Variants in MBNL2 observed in about 807,000 individuals in gnomAD.
The protein encoded by MBNL2 is muscleblind like splicing regulator 2, also known as muscleblind-like protein 2.
A neutral mutation model predicts 41.9 loss-of-function variants in MBNL2; 17 were observed. The ratio of observed to expected loss-of-function variants is 0.41; its 90% CI spans 0.28 to 0.61. MBNL2 has a LOEUF of 0.61. MBNL2 is among the 20% of genes least tolerant of loss of function. The pLI, the probability that MBNL2 is intolerant of heterozygous loss-of-function variation, is 0.35. For missense variants in MBNL2, 336 were observed against 505.6 expected (o/e 0.66, Z 3.22); for synonymous variants, 195 against 182.9 (o/e 1.07, Z -0.53).
intron 1 of MBNL2, among the ~76,000 whole-genome samples, chr13:97,231,647 G>A (rs2042391062): frequency 6.6e-6 from 1 of 152,162 alleles, no homozygotes; most frequent in African/African-American, 2.4e-5. Context: ...GCAGCTGCAA[G>A]CAGTTCTGTG....
chr13:97,144,387 A>G, the MBNL2 span, among the ~76,000 whole-genome samples: 2 of 148,150 alleles, frequency 1.3e-5, no homozygotes, highest in Admixed American at 6.7e-5. Flanking sequence ...ATTAAAAACC[A>G]TGAAGCTCCT....
At chr13:97,299,503 ATATT>A (rs1343296352) in intron 2 of MBNL2, among the ~76,000 whole-genome samples, 6 of 152,204 alleles carry the variant, frequency 3.9e-5, no homozygotes, top group Admixed American at 1.3e-4. Context: ...CCATTTCTAG[ATATT>A]TATTCTAGAG....
intron 1 of MBNL2, among the ~76,000 whole-genome samples, chr13:97,270,444 C>T (rs910081310): frequency 2.0e-5 from 3 of 151,942 alleles, no homozygotes; most frequent in Non-Finnish European, 2.9e-5. Flanking sequence ...TTTTCATTGG[C>T]AGTACTCCAT....
chr13:97,354,652 T>G (rs73559928), intron 5 of MBNL2, among the ~76,000 whole-genome samples: 1 of 152,342 alleles, frequency 6.6e-6, no homozygotes, highest in African/African-American at 2.4e-5. Context: ...ATATTAACCT[T>G]CCAGGTGACA....
At chr13:97,322,450 A>C (rs1300553161) in intron 2 of MBNL2, among the ~76,000 whole-genome samples, 10 of 152,210 alleles carry the variant, frequency 6.6e-5, no homozygotes, top group Admixed American at 6.5e-5. Flanking sequence ...TCCTGGACTC[A>C]TGATGGGGTT....
intron 2 of MBNL2, among the ~76,000 whole-genome samples, chr13:97,311,840 G>A (rs1199417326): frequency 5.9e-5 from 9 of 152,010 alleles, no homozygotes; most frequent in South Asian, 2.1e-4. Context: ...CCTCCTCTTC[G>A]GTTAAATCTC....
the MBNL2 span, among the ~76,000 whole-genome samples, chr13:97,177,053 T>C: frequency 6.6e-6 from 1 of 152,116 alleles, no homozygotes; most frequent in Non-Finnish European, 1.5e-5. Context: ...TAAGAGACAC[T>C]TTGGCCAGGT....
the MBNL2 span, among the ~76,000 whole-genome samples, chr13:97,163,244 G>C: frequency 6.6e-6 from 1 of 151,938 alleles, no homozygotes; most frequent in African/African-American, 2.4e-5. Context: ...TAATATTTGT[G>C]GTTTGGAAAA....
At chr13:97,203,604 AC>A in the MBNL2 span, among the ~76,000 whole-genome samples, 1 of 151,914 alleles carries the variant, frequency 6.6e-6, no homozygotes, top group Non-Finnish European at 1.5e-5. Context: ...ATCAAATATT[AC>A]CCTCTTGGCA....
At chr13:97,246,293 AC>A (rs2045454944) in intron 1 of MBNL2, among the ~76,000 whole-genome samples, 1 of 152,062 alleles carries the variant, frequency 6.6e-6, no homozygotes, top group Non-Finnish European at 1.5e-5. Context: ...ACACACACAC[AC>A]ACACACACAC....
the MBNL2 span, among the ~76,000 whole-genome samples, chr13:97,177,502 G>A: frequency 6.6e-6 from 1 of 151,644 alleles, no homozygotes; most frequent in East Asian, 1.9e-4. Context: ...TAAAGTCCAG[G>A]GTAAAGTACA....
chr13:97,265,928 G>A, intron 1 of MBNL2, among the ~76,000 whole-genome samples: 1 of 151,972 alleles, frequency 6.6e-6, no homozygotes, highest in East Asian at 1.9e-4. Context: ...GAACATTCAA[G>A]GCACCATTTT....
chr13:97,305,921 G>A (rs1293308903), intron 2 of MBNL2, among the ~76,000 whole-genome samples: 1 of 152,060 alleles, frequency 6.6e-6, no homozygotes, highest in Non-Finnish European at 1.5e-5. Flanking sequence ...GGGAGGAAGG[G>A]GAAGAGAAGG....
chr13:97,167,287 T>A, the MBNL2 span, among the ~76,000 whole-genome samples: 1 of 152,070 alleles, frequency 6.6e-6, no homozygotes, highest in Non-Finnish European at 1.5e-5. Flanking sequence ...GGTAGATGAA[T>A]TGCTGTCAGA....
the MBNL2 span, among the ~76,000 whole-genome samples, chr13:97,148,363 T>C: frequency 6.6e-6 from 1 of 152,138 alleles, no homozygotes; most frequent in Non-Finnish European, 1.5e-5. Context: ...AGAGAACTAT[T>C]AAAACAACCC....
chr13:97,383,681 T>A (rs1213589358), intron 8 of MBNL2, among the ~76,000 whole-genome samples: 2 of 152,182 alleles, frequency 1.3e-5, no homozygotes, highest in Non-Finnish European at 2.9e-5. Flanking sequence ...AACCTCAGTG[T>A]GCTCTTCTCC....
At chr13:97,375,674 T>C (rs987392431) in intron 8 of MBNL2, among the ~76,000 whole-genome samples, 5 of 152,212 alleles carry the variant, frequency 3.3e-5, no homozygotes, top group African/African-American at 1.2e-4. Flanking sequence ...ACAGCTCCAG[T>C]AGGTAGCAGA....
At chr13:97,272,856 G>T (rs2051349903) in intron 1 of MBNL2, among the ~76,000 whole-genome samples, 1 of 152,182 alleles carries the variant, frequency 6.6e-6, no homozygotes, top group Non-Finnish European at 1.5e-5. Context: ...TTTTAAGCAA[G>T]TGTATCTTGG....
At chr13:97,289,697 G>A (rs1014550989) in intron 2 of MBNL2, among the ~76,000 whole-genome samples, 3 of 152,152 alleles carry the variant, frequency 2.0e-5, no homozygotes, top group African/African-American at 7.2e-5. Flanking sequence ...CAAAGGAGAG[G>A]CGAGGACCTT....
Sources: gnomAD v4.1 joint callset for allele counts (sites outside exome capture counted in the v4.1 genomes callset) on GRCh38, gnomAD v4.1.1 for gene constraint, MANE v1.5 for transcripts, NCBI Gene and HGNC (gene_info 2026-07-23, HGNC 2026-07-21) for gene names.